TRHDE: variants seen among roughly 807,000 people sequenced by gnomAD.
TRHDE encodes the protein thyrotropin releasing hormone degrading enzyme.
In TRHDE, 72 loss-of-function variants were observed where a neutral mutation model predicts 125.7. That is an observed-to-expected ratio of 0.57 (90% CI 0.47 to 0.70). The LOEUF (loss-of-function observed/expected upper bound fraction) is 0.70. Among genes scored for constraint, TRHDE ranks in the 30% least tolerant of loss-of-function variants. The pLI is 0.00. For synonymous variants in TRHDE, 509 were observed against 509.1 expected (o/e 1.00, Z 0.00); for missense variants, 1,110 against 1,327.1 (o/e 0.84, Z 2.54).
chr12:72,443,116 G>A (rs1017673162), intron 3 of TRHDE, among the ~76,000 whole-genome samples: 7 of 151,386 alleles, frequency 4.6e-5, no homozygotes, highest in East Asian at 1.9e-4. Context: ...TCATTTTCCC[G>A]AATCCTATGC....
chr12:72,509,172 TCTC>T (rs1415327608), intron 6 of TRHDE, among the ~76,000 whole-genome samples: 1 of 152,100 alleles, frequency 6.6e-6, no homozygotes, highest in Non-Finnish European at 1.5e-5. Context: ...TTAATCCTGT[TCTC>T]CTACAGCCTA....
chr12:72,640,161 G>A (rs576352170), intron 15 of TRHDE, among the ~76,000 whole-genome samples: 42 of 152,338 alleles, frequency 2.8e-4, no homozygotes, highest in East Asian at 2.3e-3. Flanking sequence ...GCGAGACTCC[G>A]TGGGCGTAGG....
intron 3 of TRHDE, among the ~76,000 whole-genome samples, chr12:72,462,055 A>G (rs1474719118): frequency 6.6e-6 from 1 of 152,198 alleles, no homozygotes; most frequent in African/African-American, 2.4e-5. Context: ...TTTGGATCCC[A>G]AACCCAGTAT....
Position 72,275,170 on chromosome 12 carries a change from C to T in TRHDE, c.914+1613C>T, listed in dbSNP as rs1490581419. Among the ~76,000 whole-genome samples, 3 of 152,198 alleles carry T rather than the reference C, an allele frequency of 2.0e-5. No homozygotes were observed. The East Asian group carries it at 5.8e-4, about 29-fold the overall frequency. ...TGTCAGTGGAGAGTTAGGACTTGAA[C>T]TTTGGTTCTCTAATCCCTGGACCAG... On this transcript the variant is annotated intron_variant, in intron 1 of 18. Coordinates refer to ENST00000261180, the MANE Select transcript of TRHDE (RefSeq NM_013381.3).
chr12:72,237,670 G>A (rs1370897089), intron 2 of TRHDE, among the ~76,000 whole-genome samples: 2 of 152,150 alleles, frequency 1.3e-5, no homozygotes, highest in Non-Finnish European at 2.9e-5. Flanking sequence ...TAAAGAAGGT[G>A]CCTGCTTCCT....
chr12:72,406,362 G>C (rs7953475), intron 3 of TRHDE, among the ~76,000 whole-genome samples: 47,739 of 151,962 alleles, frequency 0.31, 9,954 homozygotes, highest in African/African-American at 0.57. Context: ...CAAAGTCTAG[G>C]AAAAAATCTC....
intron 3 of TRHDE, among the ~76,000 whole-genome samples, chr12:72,431,131 T>A (rs1421504162): frequency 6.6e-6 from 1 of 152,040 alleles, no homozygotes; most frequent in African/African-American, 2.4e-5. Flanking sequence ...TGCTGAACTA[T>A]TTTATTAGTC....
chr12:72,147,015 C>T (rs998889350), intron 2 of TRHDE, among the ~76,000 whole-genome samples: 2 of 152,112 alleles, frequency 1.3e-5, no homozygotes, highest in Admixed American at 6.5e-5. Flanking sequence ...GAACTCCCCT[C>T]GGCATCCAGA....
At chr12:72,602,676 A>G (rs1872255836) in intron 12 of TRHDE, among the ~76,000 whole-genome samples, 1 of 152,216 alleles carries the variant, frequency 6.6e-6, no homozygotes, top group African/African-American at 2.4e-5. Flanking sequence ...AATCACCACA[A>G]TGAGAACCTG....
At chr12:72,218,690 T>G (rs141088029) in intron 2 of TRHDE, among the ~76,000 whole-genome samples, 436 of 152,234 alleles carry the variant, frequency 2.9e-3, no homozygotes, top group Middle Eastern at 0.017. Flanking sequence ...CCCTGGTTTT[T>G]ACTGCATACA....
intron 1 of TRHDE, among the ~76,000 whole-genome samples, chr12:72,089,021 C>T (rs1203633715): frequency 1.3e-5 from 2 of 152,110 alleles, no homozygotes; most frequent in Non-Finnish European, 2.9e-5. Flanking sequence ...AAATTGAAAT[C>T]TTGATCCTCC....
chr12:72,568,301 G>A (rs753027945), intron 9 of TRHDE, among the ~76,000 whole-genome samples: 4 of 151,846 alleles, frequency 2.6e-5, no homozygotes, highest in Admixed American at 6.6e-5. Flanking sequence ...TTCAAAATGC[G>A]AATCTTTTTT....
At chr12:72,655,666 C>G (rs1198008376) in intron 17 of TRHDE, among the ~76,000 whole-genome samples, 2 of 152,070 alleles carry the variant, frequency 1.3e-5, no homozygotes, top group Non-Finnish European at 1.5e-5. Flanking sequence ...AGTATAATAC[C>G]TTCAAGGAAC....
chr12:72,534,157 T>C (rs1208990583), intron 6 of TRHDE, among the ~76,000 whole-genome samples: 1 of 152,188 alleles, frequency 6.6e-6, no homozygotes, highest in Non-Finnish European at 1.5e-5. Context: ...AACTAACAGA[T>C]ATGCCAACGG....
intron 3 of TRHDE, among the ~76,000 whole-genome samples, chr12:72,411,289 T>C (rs974029588): frequency 2.0e-5 from 3 of 151,784 alleles, no homozygotes; most frequent in Admixed American, 1.3e-4. Context: ...ATTCAACTAT[T>C]ATTACTAATG....
intron 5 of TRHDE, among the ~76,000 whole-genome samples, chr12:72,495,795 T>G (rs1173229711): frequency 6.6e-6 from 1 of 152,160 alleles, no homozygotes; most frequent in African/African-American, 2.4e-5. Context: ...CTACATATAC[T>G]CATGTACATA....
rs12318223 is a variant in TRHDE, at chr12:72,465,041, T to G, written c.1316-4717T>G. Reference sequence around the variant, plus strand: ...CCAAGTAAATTAGATTCTGAAACATTTGAATTTTCTTCTGTTTTCAAGGCA... The same window carrying G: ...CCAAGTAAATTAGATTCTGAAACATGTGAATTTTCTTCTGTTTTCAAGGCA... On this transcript the variant is annotated intron_variant, in intron 3 of 18. Transcript: ENST00000261180. Among the ~76,000 whole-genome samples, 879 of 152,328 alleles carry G rather than the reference T, an allele frequency of 5.8e-3. 6 individuals are homozygous for G. Among genetic ancestry groups the G allele is most frequent in the African/African-American group, 0.02 (821 of 41,570 alleles).
chr12:72,385,233 A>T lies in TRHDE; in HGVS notation c.1315+7112A>T, dbSNP rs541524591. Among the ~76,000 whole-genome samples the T allele has an allele frequency of 3.9e-5, 6 of 152,118 alleles. No individual in the cohort carries two copies. The East Asian group carries it at 1.2e-3, about 29-fold the overall frequency. ...CACTCTCAAAATGTTTCCTTCAACA[A>T]GAGCTCTTCAAATTATTTGATCTTA... On this transcript the variant is annotated intron_variant, in intron 3 of 18. Coordinates refer to ENST00000261180, the MANE Select transcript of TRHDE (RefSeq NM_013381.3).
intron 15 of TRHDE, among the ~76,000 whole-genome samples, chr12:72,635,536 G>A (rs1244025306): frequency 5.3e-5 from 8 of 152,218 alleles, no homozygotes; most frequent in Non-Finnish European, 1.2e-4. Context: ...TGTGGCTTTT[G>A]TTGCCATTGC....
Sources: allele counts gnomAD v4.1 joint callset (sites outside exome capture counted in the v4.1 genomes callset), GRCh38; gene constraint gnomAD v4.1.1; transcripts MANE v1.5; gene names NCBI Gene and HGNC (gene_info 2026-07-23, HGNC 2026-07-21).